The following TEX264 variants were observed in gnomAD, a reference collection of about 807,000 sequenced individuals.
The protein encoded by TEX264 is testis expressed 264, ER-phagy receptor.
In TEX264, 13 loss-of-function variants were observed where a neutral mutation model predicts 23.4. That is an observed-to-expected ratio of 0.56 (90% confidence interval 0.36 to 0.88). The LOEUF (loss-of-function observed/expected upper bound fraction) is 0.88, where lower values mean the gene tolerates loss of function less well. Among genes scored for constraint, TEX264 ranks in the 40% least tolerant of loss-of-function variants. TEX264 has a pLI of 0.01. For missense variants in TEX264, 340 were observed against 406.8 expected (o/e 0.84, Z 1.41); for synonymous variants, 159 against 170.0 (o/e 0.94, Z 0.50).
At position 51,700,582 on chromosome 3, in the gene TEX264, G is replaced by T. The variant is rs112575396; in HGVS notation, c.649+1008G>T. Among the ~76,000 whole-genome samples the T allele has an allele frequency of 5.1e-3, 781 of 152,168 alleles. 5 individuals carry two copies. Among genetic ancestry groups the T allele is most frequent in the African/African-American group, 0.018 (729 of 41,496 alleles). ...TGCCCCTACTGTGGGCACAGGACAT[G>T]GCACAAGGTCAGCAGGCCCAGGCAG... On this transcript the variant is annotated intron_variant, in intron 4 of 4. Coordinates refer to ENST00000341333, the MANE Select transcript of TEX264 (RefSeq NM_015926.6).
At chr3:51,677,297 G>A (rs1395727564) in intron 2 of TEX264, among the ~76,000 whole-genome samples, 1 of 152,206 alleles carries the variant, frequency 6.6e-6, no homozygotes, top group Non-Finnish European at 1.5e-5. Context: ...GTGTGTGGGT[G>A]TTAGGAGCCT....
At position 51,703,610 on chromosome 3, in the gene TEX264, C is replaced by T; in HGVS notation, c.650-114C>T. ...GGCAGAGGGCAGCTGGAGCAAGCCC[C>T]CTGAGCCCGGGAGGCTGCATTATTC... On this transcript the variant is annotated intron_variant, in intron 4 of 4. Transcript: ENST00000341333. This position sits in a 1 kb window ranked among gnomAD's most constrained non-coding sequence, Gnocchi z 4.8. The T allele has an allele frequency of 8.8e-7, 1 of 1,138,428 alleles. No individual in the cohort carries two copies. The highest frequency in any genetic ancestry group is 1.2e-6 in the Non-Finnish European group (1 of 808,368). The allele number at this position is 1,138,428 out of a possible 1,614,324, so 70.5% of individuals were successfully genotyped here. A position where few individuals can be genotyped will look rare whatever the true frequency, so the allele number is the denominator to read the frequency against.
intron 4 of TEX264, among the ~76,000 whole-genome samples, chr3:51,700,239 A>C (rs1283981698): frequency 6.6e-6 from 1 of 152,126 alleles, no homozygotes; most frequent in African/African-American, 2.4e-5. Flanking sequence ...CTGCTGGGTT[A>C]CATCCCAGAT....
Position 51,686,490 on chromosome 3 carries a change from C to A in TEX264, c.480+1856C>A, listed in dbSNP as rs570056366. On this transcript the variant is annotated intron_variant, in intron 3 of 4. Coordinates refer to ENST00000341333, the MANE Select transcript of TEX264 (RefSeq NM_015926.6). This position sits in a 1 kb window ranked among gnomAD's most constrained non-coding sequence, Gnocchi z 4.1. ...TGAGGCCCTGGGTCACCAGCTGTGT[C>A]CTTGGCGGTCAAAGACAGGTTTGAA... Among the ~76,000 whole-genome samples, 4 of 152,186 alleles carry A rather than the reference C, an allele frequency of 2.6e-5. No individual in the cohort carries two copies. Among genetic ancestry groups the A allele is most frequent in the Non-Finnish European group, 5.9e-5 (4 of 68,024 alleles).
chr3:51,684,301 T>C, intron 2 of TEX264, 112 bp from the exon 3 acceptor site: 2 of 936,264 alleles, frequency 2.1e-6, no homozygotes, highest in Non-Finnish European at 3.3e-6. Context: ...GCTGCATGGC[T>C]TGTCAGAGCT....
intron 4 of TEX264, among the ~76,000 whole-genome samples, chr3:51,702,871 A>T (rs1043975044): frequency 1.3e-5 from 2 of 152,184 alleles, no homozygotes; most frequent in Admixed American, 6.5e-5. Context: ...TGGAAGGAGC[A>T]GGTTAGAAGG....
chr3:51,674,750 T>C (rs1285265931), intron 2 of TEX264, among the ~76,000 whole-genome samples, 188 bp downstream of exon 2: 2 of 152,232 alleles, frequency 1.3e-5, no homozygotes, highest in Non-Finnish European at 2.9e-5. Context: ...CATCCATTTG[T>C]GGGCTTTCTA....
chr3:51,703,958 C>G lies in TEX264; in HGVS notation c.884C>G (p.Pro295Arg), dbSNP rs776110618. 11 of 1,575,734 alleles carry G rather than the reference C, an allele frequency of 7.0e-6. No homozygotes were observed. The African/African-American group carries it at 1.4e-4, about 19-fold the overall frequency. Reference protein sequence around the residue: ...GESRLDPGTEPLGTTKWLWEP... With the variant: ...GESRLDPGTERLGTTKWLWEP... Reference sequence around the variant, plus strand: ...TCACGGCTGGACCCTGGGACTGAGCCCCTGGGGACTACCAAGTGGCTCTGG... The same window carrying G: ...TCACGGCTGGACCCTGGGACTGAGCGCCTGGGGACTACCAAGTGGCTCTGG... The change falls in exon 5 of 5, where the codon CCC becomes CGC. Residue 295 changes from proline (P) to arginine (R), a missense_variant. Transcript: ENST00000341333. This position sits in a 1 kb window ranked among gnomAD's most constrained non-coding sequence, Gnocchi z 4.8.
chr3:51,685,715 G>T (rs1702599089), intron 3 of TEX264, among the ~76,000 whole-genome samples: 1 of 152,250 alleles, frequency 6.6e-6, no homozygotes, highest in Non-Finnish European at 1.5e-5. Context: ...CTCTGGGCAG[G>T]GTGGGACTGG....
intron 3 of TEX264, 107 bp from the exon 4 acceptor site, chr3:51,699,299 C>A: frequency 8.2e-7 from 1 of 1,225,620 alleles, no homozygotes; most frequent in Non-Finnish European, 1.2e-6. Context: ...GAGGCAGAGC[C>A]AGCCCCTGGG....
chr3:51,702,398 G>A (rs372427584), intron 4 of TEX264, among the ~76,000 whole-genome samples: 29 of 152,318 alleles, frequency 1.9e-4, no homozygotes, highest in African/African-American at 6.7e-4. Context: ...GGGCTTCTAG[G>A]GCTCACCTCA....
chr3:51,699,496 T>A lies in TEX264; in HGVS notation c.571T>A (p.Tyr191Asn), dbSNP rs778874112. 1 of 1,614,104 alleles carries A rather than the reference T, an allele frequency of 6.2e-7. No homozygotes were observed. Among genetic ancestry groups the A allele is most frequent in the Non-Finnish European group, 8.5e-7 (1 of 1,179,946 alleles). The change falls in exon 4 of 5, where the codon TAT (tyrosine) becomes AAT (asparagine). Residue 191 changes from tyrosine (Y) to asparagine (N), a missense_variant. Physicochemically the swap from Tyr to Asn is moderately radical, Grantham distance 143. Coordinates refer to ENST00000341333, the MANE Select transcript of TEX264 (RefSeq NM_015926.6). Reference protein sequence around the residue: ...MCPLARQGDFYVPEMKETEWK... With the variant: ...MCPLARQGDFNVPEMKETEWK... ...CCCACTGGCACGGCAGGGAGACTTCTATGTGCCTGAGATGAAGGAGACAGA... is the reference window on the plus strand; with the variant it reads ...CCCACTGGCACGGCAGGGAGACTTCAATGTGCCTGAGATGAAGGAGACAGA...
chr3:51,672,343 G>T (rs961494667), intron 1 of TEX264: 1 of 152,188 alleles, frequency 6.6e-6, no homozygotes, highest in Admixed American at 6.5e-5. Context: ...GAATATAGGG[G>T]AAATTCACGT....
chr3:51,701,110 C>T (rs1703284580), intron 4 of TEX264, among the ~76,000 whole-genome samples: 1 of 152,152 alleles, frequency 6.6e-6, no homozygotes, highest in East Asian at 1.9e-4. Flanking sequence ...AATATTTGAT[C>T]GTCTTGCACT....
chr3:51,672,868 A>G (rs2106888168), intron 1 of TEX264, among the ~76,000 whole-genome samples: 1 of 152,344 alleles, frequency 6.6e-6, no homozygotes, highest in East Asian at 1.9e-4. Context: ...TCAGTGGAAG[A>G]TTTCTCATCA....
chr3:51,689,531 C>T (rs530116909), intron 3 of TEX264, among the ~76,000 whole-genome samples: 83 of 152,014 alleles, frequency 5.5e-4, no homozygotes, highest in Non-Finnish European at 8.7e-4. Context: ...CTCAGACTGC[C>T]CTGGCTGTGC....
At chr3:51,700,736 A>G (rs997926485) in intron 4 of TEX264, among the ~76,000 whole-genome samples, 5 of 144,766 alleles carry the variant, frequency 3.5e-5, no homozygotes, top group Non-Finnish European at 6.0e-5. Context: ...TCATTGAAGG[A>G]CTGCTTGGCA....
At chr3:51,694,723 A>C (rs1702990981) in intron 3 of TEX264, 1 of 151,760 alleles carries the variant, frequency 6.6e-6, no homozygotes, top group Admixed American at 6.6e-5. Context: ...ATCCTGTCTT[A>C]CTCCCTGTCT....
Position 51,691,136 on chromosome 3 carries a change from A to G in TEX264, c.480+6502A>G, listed in dbSNP as rs1172935048. On this transcript the variant is annotated intron_variant, in intron 3 of 4. Transcript: ENST00000341333. This position sits in a 1 kb window ranked among gnomAD's most constrained non-coding sequence, Gnocchi z 4.4. Reference sequence around the variant, plus strand: ...ACTGCTGGGGGAGCCGAGGCAAAGCACAGGAAGAGGCTGTGTACCCGCTTG... The same window carrying G: ...ACTGCTGGGGGAGCCGAGGCAAAGCGCAGGAAGAGGCTGTGTACCCGCTTG... Among the ~76,000 whole-genome samples, 1 of 152,212 alleles carries G rather than the reference A, an allele frequency of 6.6e-6. No individual in the cohort carries two copies. The highest frequency in any genetic ancestry group is 1.9e-4 in the East Asian group (1 of 5,202).
Sources: gnomAD v4.1 joint callset for allele counts (sites outside exome capture counted in the v4.1 genomes callset) on GRCh38, gnomAD v4.1.1 for gene constraint, Gnocchi (gnomAD v3.1) non-coding constraint, MANE v1.5 for transcripts, NCBI Gene and HGNC (gene_info 2026-07-23, HGNC 2026-07-21) for gene names.